LRRC49: variants seen among roughly 807,000 people sequenced by gnomAD.
LRRC49 encodes leucine rich repeat containing 49, also known as leucine-rich repeat-containing protein 49.
A neutral mutation model predicts 83.3 loss-of-function variants in LRRC49; 50 were observed. That is an observed-to-expected ratio of 0.60 (90% CI 0.48 to 0.76). LRRC49 has a LOEUF of 0.76. LRRC49 is among the 30% of genes least tolerant of loss of function. LRRC49 has a pLI of 0.00. For missense variants in LRRC49, 704 were observed against 809.1 expected (o/e 0.87, Z 1.58); for synonymous variants, 286 against 283.3 (o/e 1.01, Z -0.10).
At chr15:70,907,560 AC>A (rs1455546755) in intron 5 of LRRC49, 1 of 159,714 alleles carries the variant, frequency 6.3e-6, no homozygotes, top group African/African-American at 2.4e-5. Flanking sequence ...TCTTCTGATC[AC>A]CCAGGATTAT....
chr15:70,936,964 G>C (rs1053341097), intron 8 of LRRC49, 142 bp downstream of exon 8: 4 of 601,266 alleles, frequency 6.7e-6, no homozygotes, highest in East Asian at 5.5e-5. Context: ...AAAGTTCTTT[G>C]TGGAAAAGCA....
In LRRC49 at chr15:71,037,096, C is replaced by T. The variant is rs1242010148; in HGVS notation, c.1704-83C>T. ...ATATATATTCAAAAAAGTATATGTT[C>T]TCCTCTAAAGTCAACAAAAAATAGA... On this transcript the variant is annotated intron_variant, in intron 14 of 15. Transcript: ENST00000260382. 8 of 906,046 alleles carry T rather than the reference C, an allele frequency of 8.8e-6. No homozygotes were observed. In the Admixed American group the frequency reaches 1.9e-4, roughly 22 times the overall value. The allele number at this position is 906,046 out of a possible 1,614,324, so 56.1% of individuals were successfully genotyped here. A position where few individuals can be genotyped will look rare whatever the true frequency, so the allele number is the denominator to read the frequency against.
intron 6 of LRRC49, 78 bp downstream of exon 6, chr15:70,911,676 C>A: frequency 1.2e-6 from 1 of 836,680 alleles, no homozygotes. Flanking sequence ...AAGAATCATA[C>A]TCGCATTGAA....
At chr15:70,878,106 G>A (rs565304829) in intron 2 of LRRC49, among the ~76,000 whole-genome samples, 12 of 152,188 alleles carry the variant, frequency 7.9e-5, no homozygotes, top group Admixed American at 2.6e-4. Context: ...CCAGGATCAC[G>A]CCACTGCACT....
intron 1 of LRRC49, among the ~76,000 whole-genome samples, chr15:70,871,801 C>T (rs1057184464): frequency 4.2e-5 from 6 of 141,708 alleles, no homozygotes; most frequent in African/African-American, 1.6e-4. Flanking sequence ...CCAGACGGGG[C>T]GGGGGGGTAG....
intron 1 of LRRC49, among the ~76,000 whole-genome samples, chr15:70,865,374 T>A (rs34931843): frequency 6.6e-6 from 1 of 151,856 alleles, no homozygotes; most frequent in Non-Finnish European, 1.5e-5. Context: ...AGAAAGACAT[T>A]CACCTACAAA....
chr15:70,913,218 G>A (rs2034622740), intron 6 of LRRC49, among the ~76,000 whole-genome samples: 2 of 152,216 alleles, frequency 1.3e-5, no homozygotes, highest in African/African-American at 4.8e-5. Flanking sequence ...GCTGCTTACA[G>A]TTGGTCAGGT....
intron 9 of LRRC49, among the ~76,000 whole-genome samples, chr15:70,973,060 G>A (rs949708059): frequency 3.9e-5 from 6 of 152,020 alleles, no homozygotes; most frequent in African/African-American, 1.2e-4. Context: ...TTGGAGAAGT[G>A]GCATTCTGGT....
At chr15:71,046,865 T>A (rs189111560) in intron 15 of LRRC49, among the ~76,000 whole-genome samples, 25 of 152,322 alleles carry the variant, frequency 1.6e-4, no homozygotes, top group Admixed American at 1.2e-3. Flanking sequence ...TGTTTGTATA[T>A]GGTGAAAGAT....
rs144069024 is a variant in LRRC49, at chr15:71,037,266, A to G, written c.1791A>G (p.Val597=). 3.4e-4 allele frequency: 548 copies of G among 1,609,358 alleles called. 3 individuals are homozygous for G. In the African/African-American group the frequency reaches 6.6e-3, roughly 19 times the overall value. ...AAAATAATGACAGCAAAAGACTTGTAGGAGAAAACACAAATCGTGCTACAT... is the reference window on the plus strand; with the variant it reads ...AAAATAATGACAGCAAAAGACTTGTGGGAGAAAACACAAATCGTGCTACAT... The part of the protein sequence containing the change: ...NEENNDSKRL[V]GENTNRATLN... The change falls in exon 15 of 16, where the codon GTA becomes GTG. Residue 597 remains valine (V), a synonymous_variant. Coordinates refer to ENST00000260382, the MANE Select transcript of LRRC49 (RefSeq NM_017691.5).
At chr15:71,006,008 T>C (rs1386855513) in intron 11 of LRRC49, among the ~76,000 whole-genome samples, 2 of 152,124 alleles carry the variant, frequency 1.3e-5, no homozygotes, top group Non-Finnish European at 2.9e-5. Context: ...AGAAAATAAC[T>C]GAAATGGGTT....
chr15:71,037,818 T>A (rs891870375), intron 15 of LRRC49, among the ~76,000 whole-genome samples: 26 of 152,156 alleles, frequency 1.7e-4, no homozygotes, highest in Admixed American at 8.5e-4. Context: ...TTTCAACTTG[T>A]TCTATTCCTA....
At chr15:70,924,021 TG>T (rs2035103132) in intron 7 of LRRC49, among the ~76,000 whole-genome samples, 1 of 151,934 alleles carries the variant, frequency 6.6e-6, no homozygotes, top group Non-Finnish European at 1.5e-5. Flanking sequence ...GTCCCAATAA[TG>T]TTCTTTATAG....
In LRRC49 at chr15:71,016,504, AG is replaced by A. The variant is rs1232824199; in HGVS notation, c.1703+3592del. Among the ~76,000 whole-genome samples the A allele has an allele frequency of 2.0e-5, 3 of 152,068 alleles. No individual in the cohort carries two copies. In the East Asian group the frequency reaches 5.8e-4, roughly 29 times the overall value. On this transcript the variant is annotated intron_variant, in intron 14 of 15. Transcript: ENST00000260382. Reference sequence around the variant, plus strand: ...GGCAAAATTTTAAAAAATGGAAAAAAGAAGTTCATAAAGATAATAGCAGCTT... The same window carrying A: ...GGCAAAATTTTAAAAAATGGAAAAAAAAGTTCATAAAGATAATAGCAGCTT...
At chr15:71,025,952 A>G (rs1196239066) in intron 14 of LRRC49, among the ~76,000 whole-genome samples, 1 of 152,182 alleles carries the variant, frequency 6.6e-6, no homozygotes, top group Non-Finnish European at 1.5e-5. Flanking sequence ...CACTGTCAAC[A>G]TTAGATCATT....
chr15:70,892,455 C>G (rs1416685577), upstream of LRRC49: 17 of 1,533,534 alleles, frequency 1.1e-5, no homozygotes, highest in Non-Finnish European at 1.4e-5. Context: ...TGGGAGGGCT[C>G]TTTGATATCT....
At chr15:70,945,035 T>G (rs1167951866) in intron 8 of LRRC49, among the ~76,000 whole-genome samples, 2 of 152,212 alleles carry the variant, frequency 1.3e-5, no homozygotes, top group Non-Finnish European at 2.9e-5. Flanking sequence ...ACCCACATCC[T>G]AATATTTAGC....
chr15:70,939,166 T>C (rs920532), intron 8 of LRRC49, among the ~76,000 whole-genome samples: 75,747 of 151,978 alleles, frequency 0.5, 20,498 homozygotes, highest in Admixed American at 0.68. Flanking sequence ...TATTGCAGTG[T>C]TAGAGTTTAT....
At chr15:70,974,801 A>T (rs1265551376) in intron 9 of LRRC49, among the ~76,000 whole-genome samples, 1 of 152,152 alleles carries the variant, frequency 6.6e-6, no homozygotes, top group African/African-American at 2.4e-5. Context: ...TATTTACCAT[A>T]CTATCTGACC....
Sources: allele counts gnomAD v4.1 joint callset (sites outside exome capture counted in the v4.1 genomes callset), GRCh38; gene constraint gnomAD v4.1.1; transcripts MANE v1.5; gene names NCBI Gene and HGNC (gene_info 2026-07-23, HGNC 2026-07-21).